Variants in MOSMO observed in about 807,000 individuals in gnomAD.
MOSMO encodes modulator of smoothened.
In MOSMO, 5 loss-of-function variants were observed where a neutral mutation model predicts 18.4. The observed-to-expected ratio is 0.27, with a 90% CI of 0.14 to 0.57. The LOEUF is 0.57. Ranked by LOEUF, MOSMO falls within the 20% of genes least tolerant of loss-of-function variation. MOSMO has a pLI of 0.92. For synonymous variants in MOSMO, 82 were observed against 82.3 expected, an observed-to-expected ratio of 1.00 and a Z score of 0.02; for missense variants, 138 against 211.8, an observed-to-expected ratio of 0.65 and a Z score of 2.16.
In MOSMO at chr16:22,075,234, A is replaced by G. The variant is rs1900939447; in HGVS notation, c.107-253A>G. The G allele has an allele frequency of 7.0e-6, 4 of 568,966 alleles. No homozygotes were observed. In the East Asian group the frequency reaches 1.1e-4, roughly 16 times the overall value. 35.2% of individuals were successfully genotyped at this position (568,966 alleles called of 1,614,324 possible). On this transcript the variant is annotated intron_variant, in intron 1 of 2. Coordinates refer to ENST00000542527, the MANE Select transcript of MOSMO (RefSeq NM_001164579.2). ...AATTACTCAGAAAAGTATTTATTTA[A>G]TGAATGCCTGAGTGAACTGCCTGTT... is the stretch of plus-strand genomic sequence containing the variant.
chr16:22,021,939 C>G (rs1022050135), intron 1 of MOSMO, among the ~76,000 whole-genome samples: 1 of 152,124 alleles, frequency 6.6e-6, no homozygotes, highest in Non-Finnish European at 1.5e-5. Flanking sequence ...GATAATACTT[C>G]TTACCTTGAA....
chr16:22,034,832 G>A (rs1217153487), intron 1 of MOSMO, among the ~76,000 whole-genome samples: 1 of 142,632 alleles, frequency 7.0e-6, no homozygotes, highest in Non-Finnish European at 1.5e-5. Flanking sequence ...CCAGTCTCAG[G>A]TGATTCTCCC....
chr16:22,091,849 A>C (rs1009758798), downstream of MOSMO, among the ~76,000 whole-genome samples: 1 of 152,200 alleles, frequency 6.6e-6, no homozygotes, highest in African/African-American at 2.4e-5. Context: ...GTCTCTCTTG[A>C]CCACTATAAA....
At chr16:22,086,351 C>T (rs1181638131), downstream of MOSMO, among the ~76,000 whole-genome samples, 1 of 152,186 alleles carries the variant, frequency 6.6e-6, no homozygotes, top group Non-Finnish European at 1.5e-5. Context: ...CTCTCTCTCT[C>T]GTCACTTCTT....
At chr16:22,035,414 T>TA (rs35886440) in intron 1 of MOSMO, among the ~76,000 whole-genome samples, 144 of 151,110 alleles carry the variant, frequency 9.5e-4, no homozygotes, top group African/African-American at 3.2e-3. Flanking sequence ...TTTTTTTTTT[T>TA]AATCTTCACT....
At chr16:22,020,875 G>A (rs1346821534) in intron 1 of MOSMO, among the ~76,000 whole-genome samples, 1 of 152,232 alleles carries the variant, frequency 6.6e-6, no homozygotes, top group Middle Eastern at 3.2e-3. Flanking sequence ...GTTGTTCACT[G>A]AGATTCTTCT....
At chr16:22,050,300 C>G (rs1900396096) in intron 1 of MOSMO, among the ~76,000 whole-genome samples, 1 of 152,114 alleles carries the variant, frequency 6.6e-6, no homozygotes, top group Admixed American at 6.5e-5. Context: ...AAAAATAGTT[C>G]CAATGTTTTA....
chr16:22,034,930 T>C (rs566636584), intron 1 of MOSMO, among the ~76,000 whole-genome samples: 241 of 151,828 alleles, frequency 1.6e-3, no homozygotes, highest in African/African-American at 5.6e-3. Flanking sequence ...GACGGGGTTT[T>C]GTCATGTTGC....
intron 1 of MOSMO, among the ~76,000 whole-genome samples, chr16:22,013,294 T>C (rs947436356): frequency 2.6e-5 from 4 of 152,220 alleles, no homozygotes; most frequent in Non-Finnish European, 4.4e-5. Flanking sequence ...AAAGATTCCA[T>C]TGAAGAAAAT....
chr16:22,039,683 A>G (rs1284618118), intron 1 of MOSMO, among the ~76,000 whole-genome samples: 1 of 152,186 alleles, frequency 6.6e-6, no homozygotes, highest in Non-Finnish European at 1.5e-5. Flanking sequence ...AAAAGAATTC[A>G]TGAGCCAGGA....
downstream of MOSMO, among the ~76,000 whole-genome samples, chr16:22,086,764 T>C (rs1299544263): frequency 6.6e-6 from 1 of 152,234 alleles, no homozygotes; most frequent in Non-Finnish European, 1.5e-5. Flanking sequence ...TGTATAACTA[T>C]ATAAACTCTT....
chr16:22,077,566 A>T (rs1900994198), intron 2 of MOSMO, among the ~76,000 whole-genome samples: 1 of 152,144 alleles, frequency 6.6e-6, no homozygotes, highest in Non-Finnish European at 1.5e-5. Context: ...GTGCACAGAA[A>T]CATATCTATT....
At chr16:22,085,511 T>C (rs1243986583), downstream of MOSMO, 1 of 152,216 alleles carries the variant, frequency 6.6e-6, no homozygotes, top group Non-Finnish European at 1.5e-5. Context: ...AGATTTATGC[T>C]GAGCTGCTAT....
At chr16:22,043,916 C>T (rs970830133) in intron 1 of MOSMO, among the ~76,000 whole-genome samples, 1 of 152,138 alleles carries the variant, frequency 6.6e-6, no homozygotes, top group Non-Finnish European at 1.5e-5. Context: ...GTTTAATGGA[C>T]TCACAGTTCC....
chr16:22,086,670 T>C (rs548174044), downstream of MOSMO, among the ~76,000 whole-genome samples: 25 of 152,322 alleles, frequency 1.6e-4, no homozygotes, highest in East Asian at 5.8e-4. Flanking sequence ...AATGGGGCTA[T>C]TGTTGGTTTA....
chr16:22,078,096 G>A (rs1287923387), intron 2 of MOSMO, among the ~76,000 whole-genome samples: 5 of 152,050 alleles, frequency 3.3e-5, no homozygotes, highest in Non-Finnish European at 4.4e-5. Flanking sequence ...AAACCAAGAT[G>A]AGTCGTCCTG....
chr16:22,016,682 A>C (rs886154784), intron 1 of MOSMO, among the ~76,000 whole-genome samples: 1 of 152,216 alleles, frequency 6.6e-6, no homozygotes, highest in Non-Finnish European at 1.5e-5. Flanking sequence ...GCAAACCAAC[A>C]TGTAGCCAAG....
Position 22,075,566 on chromosome 16 carries a change from C to A in MOSMO, c.186C>A (p.Pro62=). The change falls in exon 2 of 3, where the codon CCC becomes CCA. Residue 62 remains proline (P), a synonymous_variant. Transcript: ENST00000542527. ...RDRTCIPPRL[P]PEWVTTLFFI... Reference sequence around the variant, plus strand: ...GGACGTGCATCCCTCCCCGGCTTCCCCCGGAGTGGGTCACCACACTGTTTT... The same window carrying A: ...GGACGTGCATCCCTCCCCGGCTTCCACCGGAGTGGGTCACCACACTGTTTT... The A allele has an allele frequency of 1.3e-6, 2 of 1,537,270 alleles. No individual in the cohort carries two copies. The highest frequency in any genetic ancestry group is 1.7e-6 in the Non-Finnish European group (2 of 1,146,910).
Position 22,083,809 on chromosome 16 carries a change from TA to T in MOSMO, c.*2932del. Reference sequence around the variant, plus strand: ...CCTATTGAACATACCCAAACATCTGTAAACATGAAAAATCTTCAATTTATTA... The same window carrying T: ...CCTATTGAACATACCCAAACATCTGTAACATGAAAAATCTTCAATTTATTA... On this transcript the variant is annotated 3_prime_UTR_variant, in exon 3 of 3. Coordinates refer to ENST00000542527, the MANE Select transcript of MOSMO (RefSeq NM_001164579.2). 2.6e-6 allele frequency: 1 copy of T among 384,132 alleles called. No homozygotes were observed. The allele number at this position is 384,132 out of a possible 1,614,324, so 23.8% of individuals were successfully genotyped here. A position where few individuals can be genotyped will look rare whatever the true frequency, so the allele number is the denominator to read the frequency against.
Sources: gnomAD v4.1 joint callset for allele counts (sites outside exome capture counted in the v4.1 genomes callset) on GRCh38, gnomAD v4.1.1 for gene constraint, MANE v1.5 for transcripts, NCBI Gene and HGNC (gene_info 2026-07-23, HGNC 2026-07-21) for gene names.